CROCC2: variants seen among roughly 807,000 people sequenced by gnomAD.
The protein encoded by CROCC2 is ciliary rootlet coiled-coil protein 2.
In CROCC2, 163 loss-of-function variants were observed where a neutral mutation model predicts 177.6. That is an observed-to-expected ratio of 0.92 (90% confidence interval 0.81 to 1.05). The LOEUF (loss-of-function observed/expected upper bound fraction) is 1.05, where lower values mean the gene tolerates loss of function less well. Ranked by LOEUF, CROCC2 falls within the 50% of genes least tolerant of loss-of-function variation. CROCC2 has a pLI of 0.00. For missense variants in CROCC2, 1,929 were observed against 1,797.8 expected, an observed-to-expected ratio of 1.07 and a Z score of -1.32; for synonymous variants, 904 against 787.3, an observed-to-expected ratio of 1.15 and a Z score of -2.48.
intron 28 of CROCC2, among the ~76,000 whole-genome samples, chr2:240,988,098 A>C (rs534710463): frequency 1.3e-5 from 2 of 151,862 alleles, no homozygotes; most frequent in Non-Finnish European, 2.9e-5. Flanking sequence ...TTCCCATAGA[A>C]AATGTCTGTT....
chr2:240,910,304 G>A (rs562979122), intron 1 of CROCC2, among the ~76,000 whole-genome samples: 1 of 144,762 alleles, frequency 6.9e-6, no homozygotes, highest in East Asian at 2.0e-4. Flanking sequence ...GAGAAGCATG[G>A]CGCAGAGTCC....
rs981923377 is a variant in CROCC2, at chr2:240,949,245, G to A, written c.2482+148G>A. ...GAGCTTGGAGCTCATGCGACTGAGCGACTTGGGCCACCCTCGCCCATGAGG... is the reference window on the plus strand; with the variant it reads ...GAGCTTGGAGCTCATGCGACTGAGCAACTTGGGCCACCCTCGCCCATGAGG... On this transcript the variant is annotated intron_variant, in intron 16 of 31. Transcript: ENST00000690015. This position sits in a 1 kb window ranked among gnomAD's most constrained non-coding sequence, Gnocchi z 4.5. 69 of 1,411,870 alleles carry A rather than the reference G, an allele frequency of 4.9e-5. No homozygotes were observed. Among genetic ancestry groups the A allele is most frequent in the Admixed American group, 2.0e-4 (7 of 34,710 alleles). 87.5% of individuals were successfully genotyped at this position (1,411,870 alleles called of 1,614,324 possible).
At position 240,932,765 on chromosome 2, in the gene CROCC2, C is replaced by A. The variant is rs933157209; in HGVS notation, c.1108C>A (p.Pro370Thr). Reference sequence around the variant, plus strand: ...TAGCAGCATCACTGAATTGGGGGAGCCACGGCGCCCACTGAGGAGCCCCCA... The same window carrying A: ...TAGCAGCATCACTGAATTGGGGGAGACACGGCGCCCACTGAGGAGCCCCCA... ...AGSSITELGE[P>T]RRPLRSPQRA... The change falls in exon 9 of 32, where the codon CCA (proline) becomes ACA (threonine). Residue 370 changes from proline (P) to threonine (T), a missense_variant. Pro to Thr is a conservative substitution (Grantham distance 38, BLOSUM62 -1). Around this residue, in one of 3 missense-constraint regions of CROCC2, gnomAD observed 1,397 missense variants for 1,239.9 expected, o/e 1.13. Coordinates refer to ENST00000690015, the MANE Select transcript of CROCC2 (RefSeq NM_001351305.2). 1 of 1,228,746 alleles carries A rather than the reference C, an allele frequency of 8.1e-7. No individual in the cohort carries two copies. 76.1% of individuals were successfully genotyped at this position (1,228,746 alleles called of 1,614,324 possible). A position where few individuals can be genotyped will look rare whatever the true frequency, so the allele number is the denominator to read the frequency against.
rs890503836 is a variant in CROCC2, at chr2:240,953,565, C to T, written c.2830-2294C>T. ...GGGCTGGCCTGTGGGGAGCCCTTGC[C>T]GGTGCAGCAAGTGAGTTTTCCCAGG... On this transcript the variant is annotated intron_variant, in intron 18 of 31. Transcript: ENST00000690015. The surrounding 1 kb of genome is among the most constrained non-coding windows in gnomAD (Gnocchi z 4.0). Among the ~76,000 whole-genome samples, 1 of 152,128 alleles carries T rather than the reference C, an allele frequency of 6.6e-6. No individual in the cohort carries two copies. Among genetic ancestry groups the T allele is most frequent in the Non-Finnish European group, 1.5e-5 (1 of 68,034 alleles).
intron 1 of CROCC2, among the ~76,000 whole-genome samples, chr2:240,915,885 G>A (rs973769979): frequency 6.6e-6 from 1 of 152,154 alleles, no homozygotes; most frequent in East Asian, 1.9e-4. Flanking sequence ...TGAGTCTGGG[G>A]CCTTAGGGGA....
intron 5 of CROCC2, 44 bp downstream of exon 5, chr2:240,925,924 G>A (rs1468736783): frequency 3.0e-6 from 2 of 673,214 alleles, no homozygotes; most frequent in Non-Finnish European, 5.5e-6. Context: ...CCGCCTGTCT[G>A]GGTGCCTATG....
rs566547204 is a variant in CROCC2 at position 240,949,933 on chromosome 2, T to C, written c.2652+231T>C. On this transcript the variant is annotated intron_variant, in intron 17 of 31. Transcript: ENST00000690015. This position sits in a 1 kb window ranked among gnomAD's most constrained non-coding sequence, Gnocchi z 4.5. The stretch of plus-strand genomic sequence containing the variant: ...TTGTATTTGGGGCGGGCCTCCCTCA[T>C]GGAAGAGGCTGGAAGGGCTGCTGGC... Among the ~76,000 whole-genome samples the C allele has an allele frequency of 2.6e-5, 4 of 152,238 alleles. No individual in the cohort carries two copies. Among genetic ancestry groups the C allele is most frequent in the African/African-American group, 7.2e-5 (3 of 41,544 alleles).
chr2:240,993,086 C>T lies in CROCC2; in HGVS notation c.*5C>T. On this transcript the variant is annotated 3_prime_UTR_variant, in exon 32 of 32. Coordinates refer to ENST00000690015, the MANE Select transcript of CROCC2 (RefSeq NM_001351305.2). ...TGCAGCGCCCAAAGGGACTGAAGCT[C>T]CCAGCACAGGGGAGGCGCCCAGCGT... 1.4e-6 allele frequency: 1 copy of T among 717,042 alleles called. No homozygotes were observed. The highest frequency in any genetic ancestry group is 2.6e-6 in the Non-Finnish European group (1 of 384,832). The allele number at this position is 717,042 out of a possible 1,614,324, so 44.4% of individuals were successfully genotyped here. A position where few individuals can be genotyped will look rare whatever the true frequency, so the allele number is the denominator to read the frequency against.
Position 240,960,708 on chromosome 2 carries a change from C to G in CROCC2, c.3087+1264C>G, listed in dbSNP as rs1215432985. Among the ~76,000 whole-genome samples, 2 of 152,058 alleles carry G rather than the reference C, an allele frequency of 1.3e-5. No individual in the cohort carries two copies. Among genetic ancestry groups the G allele is most frequent in the Non-Finnish European group, 2.9e-5 (2 of 67,980 alleles). On this transcript the variant is annotated intron_variant, in intron 20 of 31. Transcript: ENST00000690015. This position sits in a 1 kb window ranked among gnomAD's most constrained non-coding sequence, Gnocchi z 5.0. ...GCACACCACGCCCCAGAGGCCGGGC[C>G]GGCCGGCAGGGGAGAGTGAGAAGAG...
rs950342704 is a variant in CROCC2, at chr2:240,917,163, G to A, written c.79-1563G>A. Reference sequence around the variant, plus strand: ...CACGGGCTGTCGGGAGGACGGGCGGGCTGGCCCCAGACCTCAGCTGATAGT... The same window carrying A: ...CACGGGCTGTCGGGAGGACGGGCGGACTGGCCCCAGACCTCAGCTGATAGT... On this transcript the variant is annotated intron_variant, in intron 1 of 31. Coordinates refer to ENST00000690015, the MANE Select transcript of CROCC2 (RefSeq NM_001351305.2). This position sits in a 1 kb window ranked among gnomAD's most constrained non-coding sequence, Gnocchi z 4.9. Among the ~76,000 whole-genome samples, 4 of 152,214 alleles carry A rather than the reference G, an allele frequency of 2.6e-5. No homozygotes were observed. The highest frequency in any genetic ancestry group is 6.5e-5 in the Admixed American group (1 of 15,294).
At position 240,949,423 on chromosome 2, in the gene CROCC2, A is replaced by G; in HGVS notation, c.2483-110A>G. Reference sequence around the variant, plus strand: ...CCATGTGCTGGCCACCCACTCCCGGAGCCTGGAGTGGACAGTGCTTGCCCC... The same window carrying G: ...CCATGTGCTGGCCACCCACTCCCGGGGCCTGGAGTGGACAGTGCTTGCCCC... On this transcript the variant is annotated intron_variant, in intron 16 of 31. Transcript: ENST00000690015. The surrounding 1 kb of genome is among the most constrained non-coding windows in gnomAD (Gnocchi z 4.5). 2 of 1,324,362 alleles carry G rather than the reference A, an allele frequency of 1.5e-6. No homozygotes were observed. The allele number at this position is 1,324,362 out of a possible 1,614,324, so 82.0% of individuals were successfully genotyped here.
chr2:240,933,275 C>T lies in CROCC2; in HGVS notation c.1396C>T (p.Arg466Trp), dbSNP rs772318588. The T allele has an allele frequency of 7.1e-6, 11 of 1,546,934 alleles. No individual in the cohort carries two copies. The highest frequency in any genetic ancestry group is 2.4e-5 in the South Asian group (2 of 83,840). Reference protein sequence around the residue: ...REQAREREALRGQLEAQRLEV... With the variant: ...REQAREREALWGQLEAQRLEV... ...GCAGGCACGGGAACGAGAGGCTCTT[C>T]GGGGCCAGCTGGAGGCCCAGAGGCT... Residue 466 changes from arginine to tryptophan, a missense_variant, in exon 10 of 32, where the codon CGG (arginine) becomes TGG (tryptophan). Physicochemically the swap from Arg to Trp is moderately radical, Grantham distance 101. Around this residue, in one of 3 missense-constraint regions of CROCC2, gnomAD observed 1,397 missense variants for 1,239.9 expected, o/e 1.13. Coordinates refer to ENST00000690015, the MANE Select transcript of CROCC2 (RefSeq NM_001351305.2).
chr2:240,925,415 C>A (rs1389274742), intron 4 of CROCC2, among the ~76,000 whole-genome samples: 3 of 152,182 alleles, frequency 2.0e-5, no homozygotes, highest in Non-Finnish European at 4.4e-5. Flanking sequence ...TTGTCTCAGG[C>A]ATTGAGGGAC....
chr2:240,956,208 T>C (rs2059589074), intron 19 of CROCC2, among the ~76,000 whole-genome samples: 1 of 152,226 alleles, frequency 6.6e-6, no homozygotes, highest in African/African-American at 2.4e-5. Flanking sequence ...CAGTTCTCCC[T>C]TAGCTTTGGG....
At position 240,922,549 on chromosome 2, in the gene CROCC2, G is replaced by T; in HGVS notation, c.392G>T (p.Arg131Leu). The change falls in exon 4 of 32, where the codon CGG becomes CTG. Residue 131 changes from arginine to leucine, a missense_variant. This residue lies in a region of CROCC2 where 1,397 missense variants were observed against 1,239.9 expected (regional missense o/e 1.13). Coordinates refer to ENST00000690015, the MANE Select transcript of CROCC2 (RefSeq NM_001351305.2). ...ATTGCTCCTCCCCAGCTGCAGGCCC[G>T]GCTGGAGACCACCGAGGCTCAGCTG... is the stretch of plus-strand genomic sequence containing the variant. ...CRVVSEQLQA[R>L]LETTEAQLRR... 1 of 695,036 alleles carries T rather than the reference G, an allele frequency of 1.4e-6. No homozygotes were observed. The highest frequency in any genetic ancestry group is 2.7e-6 in the Non-Finnish European group (1 of 371,408). 43.1% of individuals were successfully genotyped at this position (695,036 alleles called of 1,614,324 possible). A position where few individuals can be genotyped will look rare whatever the true frequency, so the allele number is the denominator to read the frequency against.
At chr2:240,963,910 C>A in intron 21 of CROCC2, 137 bp downstream of exon 21, 4 of 898,188 alleles carry the variant, frequency 4.5e-6, no homozygotes, top group Non-Finnish European at 6.8e-6. Flanking sequence ...GTAGACATGC[C>A]AAGCAGGCCT....
intron 18 of CROCC2, among the ~76,000 whole-genome samples, chr2:240,951,223 C>G (rs1359104461): frequency 2.0e-5 from 3 of 151,720 alleles, no homozygotes. Flanking sequence ...GTCTGTCCAT[C>G]CATTCACCCA....
chr2:240,985,900 TGGCAGGTGAGGG>T (rs1407476614), intron 28 of CROCC2: 1 of 454,774 alleles, frequency 2.2e-6, no homozygotes, highest in African/African-American at 2.0e-5. Flanking sequence ...GGCCCCCACC[TGGCAGGTGAGGG>T]CAGAGTGGGC....
intron 18 of CROCC2, 46 bp from the exon 19 acceptor site, chr2:240,955,813 C>G: frequency 7.1e-7 from 1 of 1,401,242 alleles, no homozygotes; most frequent in Non-Finnish European, 9.7e-7. Context: ...TCTTCCCTCC[C>G]CCGAGACTCC....
Sources: allele counts gnomAD v4.1 joint callset (sites outside exome capture counted in the v4.1 genomes callset), GRCh38; gene constraint gnomAD v4.1.1; regional missense constraint gnomAD v4.1.1; non-coding constraint Gnocchi (gnomAD v3.1); transcripts MANE v1.5; gene names NCBI Gene and HGNC (gene_info 2026-07-23, HGNC 2026-07-21).